The following KLHL1 variants were observed in gnomAD, a reference collection of about 807,000 sequenced individuals.
The protein encoded by KLHL1 is kelch-like protein 1.
In KLHL1, 47 loss-of-function variants were observed where a neutral mutation model predicts 77.7. The observed-to-expected ratio is 0.60, with a 90% CI of 0.48 to 0.77. KLHL1 has a LOEUF of 0.77. Ranked by LOEUF, KLHL1 falls within the 30% of genes least tolerant of loss-of-function variation. The pLI, the probability that KLHL1 is intolerant of heterozygous loss-of-function variation, is 0.00. For synonymous variants in KLHL1, 360 were observed against 325.2 expected (o/e 1.11, Z -1.15); for missense variants, 925 against 910.8 (o/e 1.02, Z -0.20).
intron 6 of KLHL1, among the ~76,000 whole-genome samples, chr13:69,834,604 A>C (rs765880587): frequency 3.9e-5 from 6 of 152,148 alleles, no homozygotes; most frequent in Non-Finnish European, 7.4e-5. Context: ...CATTTAGATC[A>C]GTTAAATTAC....
chr13:70,034,740 T>A (rs894596440), intron 1 of KLHL1, among the ~76,000 whole-genome samples: 2 of 152,200 alleles, frequency 1.3e-5, no homozygotes, highest in African/African-American at 2.4e-5. Context: ...ACACCATCGT[T>A]CTTTTCTCCA....
At chr13:69,955,234 C>T (rs1430975820) in intron 3 of KLHL1, among the ~76,000 whole-genome samples, 1 of 151,278 alleles carries the variant, frequency 6.6e-6, no homozygotes, top group Non-Finnish European at 1.5e-5. Context: ...CTGATATACA[C>T]TTTTTAATAT....
rs1186882211 is a variant in KLHL1, at chr13:70,042,216, GCAATCTGCCTTCCTAAATACCCTAAC to G, written c.497+64961_497+64986del. 4.6e-5 allele frequency among the ~76,000 whole-genome samples: 7 copies of G among 151,992 alleles called. No homozygotes were observed. The South Asian group carries it at 1.0e-3, about 22-fold the overall frequency. The stretch of plus-strand genomic sequence containing the variant: ...TGCTCGGGACTCTCAACTTGGAATT[GCAATCTGCCTTCCTAAATACCCTAAC>G]CAATCTGCCTTCATTTCTTTACATA... On this transcript the variant is annotated intron_variant, in intron 1 of 10. Transcript: ENST00000377844.
chr13:69,766,673 T>C (rs900788461), intron 7 of KLHL1, among the ~76,000 whole-genome samples: 4 of 152,112 alleles, frequency 2.6e-5, no homozygotes, highest in African/African-American at 9.7e-5. Flanking sequence ...TTTCCCATAT[T>C]TCATTGCCCA....
intron 5 of KLHL1, among the ~76,000 whole-genome samples, chr13:69,867,850 T>C (rs958985967): frequency 1.0e-5 from 1 of 98,738 alleles, no homozygotes; most frequent in East Asian, 3.5e-4. Flanking sequence ...TGGGGCCTGT[T>C]GTGGGGTGGG....
intron 7 of KLHL1, among the ~76,000 whole-genome samples, chr13:69,781,512 G>C (rs1036542486): frequency 1.3e-5 from 2 of 152,036 alleles, no homozygotes; most frequent in Non-Finnish European, 2.9e-5. Context: ...ATACTCAAAA[G>C]CCTCATATCC....
intron 1 of KLHL1, among the ~76,000 whole-genome samples, chr13:69,995,912 G>A (rs781467152): frequency 6.6e-6 from 1 of 152,138 alleles, no homozygotes; most frequent in Non-Finnish European, 1.5e-5. Flanking sequence ...TATTAAGAAA[G>A]AATGTGTCAA....
chr13:70,001,695 A>G (rs971556876), intron 1 of KLHL1, among the ~76,000 whole-genome samples: 5 of 148,768 alleles, frequency 3.4e-5, no homozygotes, highest in African/African-American at 1.2e-4. Flanking sequence ...CTATCTATCT[A>G]TCATCTTTCT....
chr13:69,817,019 A>C (rs983875139), intron 6 of KLHL1, among the ~76,000 whole-genome samples: 1 of 151,916 alleles, frequency 6.6e-6, no homozygotes, highest in Admixed American at 6.6e-5. Context: ...ACAACAAATG[A>C]ACACTCAAAC....
intron 4 of KLHL1, among the ~76,000 whole-genome samples, chr13:69,911,775 A>G (rs1436450401): frequency 4.6e-5 from 7 of 152,112 alleles, no homozygotes; most frequent in Non-Finnish European, 2.9e-5. Flanking sequence ...CATTGATTTG[A>G]AACCCAGTTC....
rs188650114 is a variant in KLHL1, at chr13:69,910,457, A to G, written c.1015-27962T>C. Among the ~76,000 whole-genome samples, 163 of 152,200 alleles carry G rather than the reference A, an allele frequency of 1.1e-3. 1 individual carries two copies. Among genetic ancestry groups the G allele is most frequent in the Non-Finnish European group, 2.1e-3 (141 of 67,964 alleles). The stretch of plus-strand genomic sequence containing the variant: ...TTAGGAAAGGCAACAAGGGTTTTCA[A>G]TTGTTTGTTTATTCATACCACGGCC... On this transcript the variant is annotated intron_variant, in intron 4 of 10. Coordinates refer to ENST00000377844, the MANE Select transcript of KLHL1 (RefSeq NM_020866.3).
At chr13:70,097,465 A>G (rs979039520) in intron 1 of KLHL1, among the ~76,000 whole-genome samples, 1 of 151,990 alleles carries the variant, frequency 6.6e-6, no homozygotes, top group African/African-American at 2.4e-5. Flanking sequence ...CCTAATCTGA[A>G]TGAAGGTAAA....
At chr13:69,839,353 A>T (rs761829636) in intron 5 of KLHL1, among the ~76,000 whole-genome samples, 191 bp from the exon 6 acceptor site, 10 of 151,924 alleles carry the variant, frequency 6.6e-5, no homozygotes, top group Non-Finnish European at 1.3e-4. Flanking sequence ...GACAGAATGG[A>T]TATTATTTTT....
intron 1 of KLHL1, among the ~76,000 whole-genome samples, chr13:70,105,608 G>A (rs1228174290): frequency 6.6e-6 from 1 of 151,096 alleles, no homozygotes; most frequent in East Asian, 2.0e-4. Flanking sequence ...GAATATATAA[G>A]GTGAATTGCT....
chr13:69,880,016 T>C (rs528693810), intron 5 of KLHL1, among the ~76,000 whole-genome samples: 1 of 152,294 alleles, frequency 6.6e-6, no homozygotes, highest in East Asian at 1.9e-4. Flanking sequence ...ACCTTCAAAA[T>C]TGATTAATTC....
intron 5 of KLHL1, among the ~76,000 whole-genome samples, chr13:69,843,211 A>G (rs1009894244): frequency 7.2e-5 from 11 of 151,726 alleles, no homozygotes; most frequent in Non-Finnish European, 1.5e-4. Context: ...ATCACAACAC[A>G]CTATATGCAC....
intron 1 of KLHL1, among the ~76,000 whole-genome samples, chr13:70,095,965 C>G (rs1485353314): frequency 6.6e-6 from 1 of 152,006 alleles, no homozygotes; most frequent in Non-Finnish European, 1.5e-5. Context: ...CTGTGTCTGG[C>G]TTATTTCACC....
intron 1 of KLHL1, among the ~76,000 whole-genome samples, chr13:70,073,893 T>C (rs911381954): frequency 6.6e-6 from 1 of 151,986 alleles, no homozygotes; most frequent in African/African-American, 2.4e-5. Flanking sequence ...TGGTGTGATC[T>C]TGGCTCACCG....
chr13:69,818,217 A>ATTTTTTTTTTTTTTTTTTTTTTT (rs1878195724), intron 6 of KLHL1, among the ~76,000 whole-genome samples: 1 of 124,424 alleles, frequency 8.0e-6, no homozygotes, highest in African/African-American at 3.9e-5. Flanking sequence ...ACTCATAGGC[A>ATTTTTTTTTTTTTTTTTTTTTTT]TCTTTTTTTT....
Sources: allele counts gnomAD v4.1 joint callset (sites outside exome capture counted in the v4.1 genomes callset), GRCh38; gene constraint gnomAD v4.1.1; transcripts MANE v1.5; gene names NCBI Gene and HGNC (gene_info 2026-07-23, HGNC 2026-07-21).